CACNA1G: variants seen among roughly 807,000 people sequenced by gnomAD.
The protein encoded by CACNA1G is calcium voltage-gated channel subunit alpha1 G, also known as voltage-dependent T-type calcium channel subunit alpha-1G.
In CACNA1G, 67 loss-of-function variants were observed where a neutral mutation model predicts 219.4. The observed-to-expected ratio is 0.31, with a 90% CI of 0.25 to 0.37. The LOEUF (loss-of-function observed/expected upper bound fraction) is 0.37, where lower values mean the gene tolerates loss of function less well. Ranked by LOEUF, CACNA1G falls within the 10% of genes least tolerant of loss-of-function variation. CACNA1G has a pLI of 1.00. For missense variants in CACNA1G, 2,380 were observed against 3,231.4 expected, an observed-to-expected ratio of 0.74 and a Z score of 6.39; for synonymous variants, 1,296 against 1,345.3, an observed-to-expected ratio of 0.96 and a Z score of 0.80.
chr17:50,572,292 A>G (rs552907822), intron 5 of CACNA1G, among the ~76,000 whole-genome samples: 1 of 152,272 alleles, frequency 6.6e-6, no homozygotes, highest in South Asian at 2.1e-4. Context: ...CAACCCCTCC[A>G]GTGATCCTAA....
At chr17:50,606,290 G>C in intron 23 of CACNA1G, 1 of 699,768 alleles carries the variant, frequency 1.4e-6, no homozygotes, top group Non-Finnish European at 2.7e-6. Flanking sequence ...CAGGGCCACA[G>C]AGCTACATGG....
In CACNA1G at chr17:50,571,487, G is replaced by A. The variant is rs544424960; in HGVS notation, c.587-391G>A. Among the ~76,000 whole-genome samples the A allele has an allele frequency of 6.6e-6, 1 of 152,178 alleles. No individual in the cohort carries two copies. The highest frequency in any genetic ancestry group is 6.5e-5 in the Admixed American group (1 of 15,286). ...GATTCGGAAGCCAAAGCCTGGGTTC[G>A]AGTTCCGGCACCTACACTTAGCAGC... On this transcript the variant is annotated intron_variant, in intron 4 of 37. Transcript: ENST00000359106. This position sits in a 1 kb window ranked among gnomAD's most constrained non-coding sequence, Gnocchi z 4.3.
chr17:50,575,021 C>A (rs1388187817), intron 7 of CACNA1G, among the ~76,000 whole-genome samples: 1 of 152,080 alleles, frequency 6.6e-6, no homozygotes, highest in Non-Finnish European at 1.5e-5. Flanking sequence ...GGTCTCTCGC[C>A]CAAAGTCACA....
At position 50,596,562 on chromosome 17, in the gene CACNA1G, G is replaced by C. The variant is rs1236722381; in HGVS notation, c.2980G>C (p.Gly994Arg). Residue 994 changes from glycine to arginine, a missense_variant and splice_region_variant, in exon 15 of 38, where the codon GGA (glycine) becomes CGA (arginine). Gly to Arg is a moderately radical substitution (Grantham distance 125). This residue lies in a region of CACNA1G where 418 missense variants were observed against 434.3 expected (regional missense o/e 0.96). Transcript: ENST00000359106. The surrounding 1 kb of genome is among the most constrained non-coding windows in gnomAD (Gnocchi z 4.8). ...ATGGTCCGCTGCTCCCCTGCCCTAG[G>C]GAGATGCCAACAAGTCCGAATCAGA... ...CIQLPVDSQG[G>R]DANKSESEPD... is the part of the protein sequence containing the mutation. The C allele has an allele frequency of 6.2e-7, 1 of 1,613,854 alleles. No homozygotes were observed. The highest frequency in any genetic ancestry group is 8.5e-7 in the Non-Finnish European group (1 of 1,179,778).
At position 50,576,198 on chromosome 17, in the gene CACNA1G, C is replaced by T. The variant is rs531596059; in HGVS notation, c.1796C>T (p.Pro599Leu). 47 of 1,609,536 alleles carry T rather than the reference C, an allele frequency of 2.9e-5. No individual in the cohort carries two copies. Among genetic ancestry groups the T allele is most frequent in the African/African-American group, 1.7e-4 (13 of 74,980 alleles). Residue 599 changes from proline (P) to leucine (L), a missense_variant, in exon 8 of 38, where the codon CCG becomes CTG. This residue lies in a region of CACNA1G where 434 missense variants were observed against 417.3 expected (regional missense o/e 1.04). Transcript: ENST00000359106. ...CCCACCGTGCACACCAGCCCTCCACCGGAGACGCTGAAGGAGAAGGCACTA... is the reference window on the plus strand; with the variant it reads ...CCCACCGTGCACACCAGCCCTCCACTGGAGACGCTGAAGGAGAAGGCACTA... ...VYPTVHTSPP[P>L]ETLKEKALVE...
At chr17:50,573,187 T>A in intron 7 of CACNA1G, 74 bp downstream of exon 7, 1 of 1,105,864 alleles carries the variant, frequency 9.0e-7, no homozygotes, top group Non-Finnish European at 1.3e-6. Flanking sequence ...AGAGAGGGGA[T>A]AGTTTGCTCT....
At chr17:50,599,945 T>TA (rs2046297012) in intron 17 of CACNA1G, 86 bp downstream of exon 17, 5 of 1,336,408 alleles carry the variant, frequency 3.7e-6, no homozygotes, top group Non-Finnish European at 5.1e-6. Context: ...ATAAGGGAGT[T>TA]ACCATTCCAA....
chr17:50,578,363 C>A lies in CACNA1G; in HGVS notation c.2100C>A (p.Ala700=). ...SEAVYEFTQD[A]QHSDLRDPHS... ...CAGTTTATGAGTTCACACAGGATGC[C>A]CAGCACAGCGACCTCCGGGACCCCC... Residue 700 remains alanine, a synonymous_variant, in exon 9 of 38, where the codon GCC becomes GCA. Transcript: ENST00000359106. The surrounding 1 kb of genome is among the most constrained non-coding windows in gnomAD (Gnocchi z 4.5). 1 of 1,612,952 alleles carries A rather than the reference C, an allele frequency of 6.2e-7. No homozygotes were observed. The highest frequency in any genetic ancestry group is 8.5e-7 in the Non-Finnish European group (1 of 1,179,788).
intron 9 of CACNA1G, among the ~76,000 whole-genome samples, chr17:50,585,134 C>A (rs1184916488): frequency 6.6e-6 from 1 of 152,118 alleles, no homozygotes; most frequent in Admixed American, 6.5e-5. Context: ...GGGGCTGCAG[C>A]TCCAGCATTT....
chr17:50,608,902 C>T (rs886499205), intron 25 of CACNA1G, among the ~76,000 whole-genome samples: 3 of 152,146 alleles, frequency 2.0e-5, no homozygotes, highest in East Asian at 1.9e-4. Flanking sequence ...GTAATCTCCG[C>T]GCCTCTCTCT....
chr17:50,601,311 GTC>G, intron 19 of CACNA1G, 137 bp downstream of exon 19: 1 of 1,069,078 alleles, frequency 9.4e-7, no homozygotes, highest in Non-Finnish European at 1.3e-6. Flanking sequence ...TCTCCTTTAG[GTC>G]TCTCACCAGA....
chr17:50,605,237 G>A (rs777339407), intron 22 of CACNA1G, among the ~76,000 whole-genome samples: 6 of 152,142 alleles, frequency 3.9e-5, no homozygotes, highest in Non-Finnish European at 8.8e-5. Flanking sequence ...CCTGCCTTCC[G>A]TTTTTCACTA....
chr17:50,572,981 TGGTG>T, intron 6 of CACNA1G, 36 bp from the exon 7 acceptor site: 1 of 1,564,284 alleles, frequency 6.4e-7, no homozygotes, highest in Non-Finnish European at 8.7e-7. Flanking sequence ...AAGGAGGATT[TGGTG>T]GGCCCATAGT....
At chr17:50,604,475 G>T (rs965657961) in intron 22 of CACNA1G, among the ~76,000 whole-genome samples, 194 bp downstream of exon 22, 2 of 152,226 alleles carry the variant, frequency 1.3e-5, no homozygotes, top group African/African-American at 2.4e-5. Flanking sequence ...CTAGAGGAAG[G>T]CCCCAAGGAG....
At position 50,618,571 on chromosome 17, in the gene CACNA1G, T is replaced by A; in HGVS notation, c.5428-84T>A. ...CCCCTTCCTTCCCATCCTCCAATGCTCTGTGACACCAGTGACCTGATTTTC... is the reference window on the plus strand; with the variant it reads ...CCCCTTCCTTCCCATCCTCCAATGCACTGTGACACCAGTGACCTGATTTTC... On this transcript the variant is annotated intron_variant, in intron 32 of 37. Transcript: ENST00000359106. This position sits in a 1 kb window ranked among gnomAD's most constrained non-coding sequence, Gnocchi z 5.3. 3.5e-6 allele frequency: 4 copies of A among 1,148,092 alleles called. No individual in the cohort carries two copies. The highest frequency in any genetic ancestry group is 5.1e-6 in the Non-Finnish European group (4 of 787,922). The allele number at this position is 1,148,092 out of a possible 1,614,324, so 71.1% of individuals were successfully genotyped here. A position where few individuals can be genotyped will look rare whatever the true frequency, so the allele number is the denominator to read the frequency against.
chr17:50,625,977 G>A (rs1403674149), intron 37 of CACNA1G, 40 bp from the exon 38 acceptor site: 2 of 1,561,944 alleles, frequency 1.3e-6, no homozygotes. Flanking sequence ...CCATGCTGGA[G>A]AGGAGACTGC....
At chr17:50,570,839 A>G (rs879659366) in intron 4 of CACNA1G, among the ~76,000 whole-genome samples, 1 of 151,908 alleles carries the variant, frequency 6.6e-6, no homozygotes, top group Non-Finnish European at 1.5e-5. Context: ...AGGGGGAGGG[A>G]GACTGAGTGA....
At chr17:50,604,702 G>A (rs1048886382) in intron 22 of CACNA1G, among the ~76,000 whole-genome samples, 1 of 152,246 alleles carries the variant, frequency 6.6e-6, no homozygotes, top group African/African-American at 2.4e-5. Context: ...GCAGGCGGGT[G>A]CAGACCCCAG....
At chr17:50,570,293 C>G (rs2039089985) in intron 4 of CACNA1G, among the ~76,000 whole-genome samples, 1 of 152,176 alleles carries the variant, frequency 6.6e-6, no homozygotes, top group African/African-American at 2.4e-5. Flanking sequence ...TTCCCGCCCC[C>G]TTCCAACCCA....
Sources: allele counts gnomAD v4.1 joint callset (sites outside exome capture counted in the v4.1 genomes callset), GRCh38; gene constraint gnomAD v4.1.1; regional missense constraint gnomAD v4.1.1; non-coding constraint Gnocchi (gnomAD v3.1); transcripts MANE v1.5; gene names NCBI Gene and HGNC (gene_info 2026-07-23, HGNC 2026-07-21).